MAP4K5: variants seen among roughly 807,000 people sequenced by gnomAD.
MAP4K5 encodes MAPK/ERK kinase kinase kinase 5.
MAP4K5 carries 82 observed loss-of-function variants against 135.6 expected under a neutral mutation model. The ratio of observed to expected loss-of-function variants is 0.60; its 90% CI spans 0.51 to 0.73. The LOEUF is 0.73. Ranked by LOEUF, MAP4K5 falls within the 30% of genes least tolerant of loss-of-function variation. The probability of loss-of-function intolerance (pLI) is 0.00; values close to 1 mark genes in which losing one functional copy is unlikely to be tolerated. For missense variants in MAP4K5, 907 were observed against 1,010.9 expected (o/e 0.90, Z 1.39); for synonymous variants, 347 against 335.0 (o/e 1.04, Z -0.39).
At chr14:50,546,121 C>T (rs979060892) in intron 1 of MAP4K5, among the ~76,000 whole-genome samples, 1 of 152,044 alleles carries the variant, frequency 6.6e-6, no homozygotes, top group African/African-American at 2.4e-5. Context: ...GTTAGAAACT[C>T]ATTTGAAACT....
intron 3 of MAP4K5, among the ~76,000 whole-genome samples, chr14:50,490,503 C>A (rs1162843250): frequency 6.6e-6 from 1 of 152,156 alleles, no homozygotes; most frequent in Non-Finnish European, 1.5e-5. Context: ...ATGATCACAG[C>A]CTCCAACATA....
intron 14 of MAP4K5, among the ~76,000 whole-genome samples, chr14:50,452,694 G>A (rs1300187973): frequency 6.6e-6 from 1 of 152,132 alleles, no homozygotes; most frequent in Non-Finnish European, 1.5e-5. Context: ...CAGTAAAATA[G>A]GGTGTTGATC....
intron 31 of MAP4K5, 87 bp from the exon 32 acceptor site, chr14:50,423,263 C>A: frequency 1.7e-6 from 1 of 582,304 alleles, no homozygotes; most frequent in South Asian, 2.7e-5. Flanking sequence ...CAATTATTAA[C>A]ACAATAAATA....
chr14:50,469,333 T>C (rs930792186), intron 9 of MAP4K5, among the ~76,000 whole-genome samples: 5 of 152,246 alleles, frequency 3.3e-5, no homozygotes, highest in African/African-American at 1.2e-4. Context: ...AATTCATTTT[T>C]ATCTTATTTT....
intron 2 of MAP4K5, among the ~76,000 whole-genome samples, chr14:50,530,256 G>A (rs888908628): frequency 6.6e-6 from 1 of 152,088 alleles, no homozygotes; most frequent in Non-Finnish European, 1.5e-5. Flanking sequence ...AAGGCACCAG[G>A]GTAAAAGGCA....
chr14:50,529,967 A>G (rs955488502), intron 2 of MAP4K5, among the ~76,000 whole-genome samples: 1 of 152,242 alleles, frequency 6.6e-6, no homozygotes, highest in African/African-American at 2.4e-5. Flanking sequence ...CAGGTATTAC[A>G]GCAACAGGTG....
chr14:50,489,536 T>C (rs1483433831), intron 3 of MAP4K5, among the ~76,000 whole-genome samples: 3 of 152,158 alleles, frequency 2.0e-5, no homozygotes, highest in East Asian at 1.9e-4. Flanking sequence ...TACCAATATC[T>C]TCTCTTAAAA....
intron 1 of MAP4K5, among the ~76,000 whole-genome samples, chr14:50,552,342 A>G (rs1487555862): frequency 2.0e-5 from 3 of 152,258 alleles, no homozygotes; most frequent in Admixed American, 6.5e-5. Context: ...AAGGAAAATT[A>G]CAAAACACTG....
intron 31 of MAP4K5, 127 bp downstream of exon 31, chr14:50,425,780 T>C (rs75772037): frequency 0.039 from 20,591 of 529,870 alleles, 503 homozygotes; most frequent in Middle Eastern, 0.065. Flanking sequence ...TTTTTTGTTC[T>C]ACCAGTTCAT....
intron 6 of MAP4K5, among the ~76,000 whole-genome samples, chr14:50,478,998 T>C (rs2037170998): frequency 2.5e-5 from 1 of 39,914 alleles, no homozygotes; most frequent in African/African-American, 5.3e-5. Flanking sequence ...TTAGTGTAGT[T>C]TTTTTCGTTT....
chr14:50,474,324 A>G (rs1267092925), intron 9 of MAP4K5, among the ~76,000 whole-genome samples: 1 of 151,986 alleles, frequency 6.6e-6, no homozygotes, highest in Non-Finnish European at 1.5e-5. Flanking sequence ...TGGGAGGTCA[A>G]TGATGCAGTG....
chr14:50,560,800 G>T lies in MAP4K5; in HGVS notation c.-180+240C>A, dbSNP rs527471990. On this transcript the variant is annotated intron_variant, in intron 1 of 8. Coordinates refer to the MAP4K5 transcript ENST00000555216. ...CCCGGCGGCGGGCGGCGGGCGGCGCGCTGGAACAATGAGGCGGAGCGCGCC... is the reference window on the plus strand; with the variant it reads ...CCCGGCGGCGGGCGGCGGGCGGCGCTCTGGAACAATGAGGCGGAGCGCGCC... 9.4e-3 allele frequency among the ~76,000 whole-genome samples: 1,427 copies of T among 152,280 alleles called. 8 individuals carry two copies. The highest frequency in any genetic ancestry group is 0.048 in the Middle Eastern group (14 of 292).
intron 8 of MAP4K5, among the ~76,000 whole-genome samples, chr14:50,475,420 AAG>A (rs1387076221): frequency 1.3e-5 from 2 of 152,230 alleles, no homozygotes; most frequent in African/African-American, 4.8e-5. Flanking sequence ...ATTTGGGAAA[AAG>A]AGAAAAAAAA....
At chr14:50,448,982 C>A (rs1056057299) in intron 14 of MAP4K5, 150 bp from the exon 15 acceptor site, 8 of 611,438 alleles carry the variant, frequency 1.3e-5, no homozygotes, top group Non-Finnish European at 2.0e-5. Context: ...TACAAGAGTA[C>A]CCCTTTGTTA....
chr14:50,511,892 G>A (rs1477275190), intron 2 of MAP4K5, among the ~76,000 whole-genome samples: 1 of 152,086 alleles, frequency 6.6e-6, no homozygotes, highest in Non-Finnish European at 1.5e-5. Flanking sequence ...TTTAGGGGAG[G>A]AAGGAAAGAG....
At chr14:50,527,711 G>A (rs1390133411) in intron 2 of MAP4K5, among the ~76,000 whole-genome samples, 1 of 151,602 alleles carries the variant, frequency 6.6e-6, no homozygotes, top group Non-Finnish European at 1.5e-5. Context: ...TCTGTCCCCT[G>A]GGAACTAAAC....
intron 21 of MAP4K5, among the ~76,000 whole-genome samples, chr14:50,441,263 T>C (rs535297531): frequency 6.6e-6 from 1 of 152,136 alleles, no homozygotes. Context: ...TAATTACCTA[T>C]AAATCAGAAA....
intron 30 of MAP4K5, among the ~76,000 whole-genome samples, chr14:50,428,088 A>G (rs2035885111): frequency 6.6e-6 from 1 of 152,254 alleles, no homozygotes; most frequent in South Asian, 2.1e-4. Context: ...TAAAAGATTT[A>G]TGATGGTCTG....
intron 3 of MAP4K5, 29 bp from the exon 4 acceptor site, chr14:50,486,223 G>T: frequency 1.3e-6 from 1 of 772,790 alleles, no homozygotes; most frequent in Non-Finnish European, 2.1e-6. Context: ...TGTTTATCAT[G>T]TTACTCAAAA....
Sources: gnomAD v4.1 joint callset for allele counts (sites outside exome capture counted in the v4.1 genomes callset) on GRCh38, gnomAD v4.1.1 for gene constraint, MANE v1.5 for transcripts, NCBI Gene and HGNC (gene_info 2026-07-23, HGNC 2026-07-21) for gene names.